Variants in XYLT1 observed in about 807,000 individuals in gnomAD.
XYLT1 encodes xylosyltransferase 1, also known as beta-D-xylosyltransferase 1.
In XYLT1, 36 loss-of-function variants were observed where a neutral mutation model predicts 91.3. That is an observed-to-expected ratio of 0.39 (90% CI 0.30 to 0.52). The LOEUF is 0.52. XYLT1 is among the 20% of genes least tolerant of loss of function. The probability of loss-of-function intolerance (pLI) is 0.68; values close to 1 mark genes in which losing one functional copy is unlikely to be tolerated. For missense variants in XYLT1, 1,242 were observed against 1,284.5 expected, an observed-to-expected ratio of 0.97 and a Z score of 0.51; for synonymous variants, 588 against 532.0, an observed-to-expected ratio of 1.11 and a Z score of -1.45.
chr16:17,194,398 C>T (rs993302050), intron 5 of XYLT1, among the ~76,000 whole-genome samples: 39 of 152,188 alleles, frequency 2.6e-4, no homozygotes, highest in Admixed American at 2.1e-3. Context: ...GGCAGCAATG[C>T]GCATGCCTAC....
At chr16:17,252,605 T>G (rs759419508) in intron 3 of XYLT1, among the ~76,000 whole-genome samples, 14 of 152,166 alleles carry the variant, frequency 9.2e-5, no homozygotes, top group Non-Finnish European at 1.6e-4. Flanking sequence ...GGCTTCCTTC[T>G]AAATCCCTTT....
At chr16:17,318,517 A>G (rs1244893064) in intron 2 of XYLT1, among the ~76,000 whole-genome samples, 1 of 152,196 alleles carries the variant, frequency 6.6e-6, no homozygotes, top group Non-Finnish European at 1.5e-5. Flanking sequence ...TGGTTCTCCA[A>G]CCAGCTAAAG....
At chr16:17,450,046 A>C (rs956611571) in intron 1 of XYLT1, among the ~76,000 whole-genome samples, 1 of 152,198 alleles carries the variant, frequency 6.6e-6, no homozygotes, top group African/African-American at 2.4e-5. Context: ...TTACTAATAA[A>C]AGGTGAGAAG....
chr16:17,379,793 A>ACACACACACACACACACACACACACC (rs71373108), intron 1 of XYLT1, among the ~76,000 whole-genome samples: 2 of 142,330 alleles, frequency 1.4e-5, no homozygotes, highest in Non-Finnish European at 3.1e-5. Context: ...ACACACACAC[A>ACACACACACACACACACACACACACC]CCCCTTACCT....
intron 2 of XYLT1, among the ~76,000 whole-genome samples, chr16:17,288,175 C>T (rs906213394): frequency 4.0e-5 from 6 of 151,706 alleles, no homozygotes; most frequent in Non-Finnish European, 8.8e-5. Flanking sequence ...GCCATCCTCC[C>T]GCTTCGGCCT....
chr16:17,440,951 C>T lies in XYLT1; in HGVS notation c.363+29483G>A, dbSNP rs115830261. Among the ~76,000 whole-genome samples, 1,004 of 152,218 alleles carry T rather than the reference C, an allele frequency of 6.6e-3. 13 individuals carry two copies. The highest frequency in any genetic ancestry group is 0.022 in the African/African-American group (904 of 41,534). On this transcript the variant is annotated intron_variant, in intron 1 of 11. Coordinates refer to ENST00000261381, the MANE Select transcript of XYLT1 (RefSeq NM_022166.4). Reference sequence around the variant, plus strand: ...ATGGTACCGACCCTCATCTGTAAAACGGGCATAACCAGTGCCTACCTATGT... The same window carrying T: ...ATGGTACCGACCCTCATCTGTAAAATGGGCATAACCAGTGCCTACCTATGT...
chr16:17,356,992 C>T (rs747635320), intron 2 of XYLT1, among the ~76,000 whole-genome samples: 15 of 151,654 alleles, frequency 9.9e-5, no homozygotes, highest in South Asian at 2.1e-4. Flanking sequence ...CTGGCTAACA[C>T]GGTGAAACCT....
At chr16:17,466,428 T>C (rs986263555) in intron 1 of XYLT1, among the ~76,000 whole-genome samples, 1 of 152,214 alleles carries the variant, frequency 6.6e-6, no homozygotes, top group Admixed American at 6.5e-5. Context: ...ATCTTTGCTT[T>C]CTGAGGATAC....
At chr16:17,410,773 G>A (rs1408039791) in intron 1 of XYLT1, among the ~76,000 whole-genome samples, 1 of 151,202 alleles carries the variant, frequency 6.6e-6, no homozygotes, top group African/African-American at 2.4e-5. Flanking sequence ...CTCCTGAATA[G>A]TTTGGATGGC....
chr16:17,164,747 G>C (rs1567303630), intron 5 of XYLT1, among the ~76,000 whole-genome samples: 2 of 152,012 alleles, frequency 1.3e-5, no homozygotes, highest in Non-Finnish European at 1.5e-5. Context: ...TGTACCACCT[G>C]TATGTTATTT....
intron 2 of XYLT1, among the ~76,000 whole-genome samples, chr16:17,325,140 G>A (rs1195295700): frequency 6.6e-6 from 1 of 152,218 alleles, no homozygotes; most frequent in African/African-American, 2.4e-5. Context: ...GCTCATGCCT[G>A]TAATCCCAGC....
chr16:17,230,866 TG>T (rs2033147510), intron 3 of XYLT1, among the ~76,000 whole-genome samples: 1 of 152,168 alleles, frequency 6.6e-6, no homozygotes, highest in Non-Finnish European at 1.5e-5. Flanking sequence ...CATTTTTCAT[TG>T]CCACAACTGG....
At position 17,470,653 on chromosome 16, in the gene XYLT1, G is replaced by A; in HGVS notation, c.144C>T (p.Gly48=). Residue 48 remains glycine, a synonymous_variant, in exon 1 of 12, where the codon GGC becomes GGT. Transcript: ENST00000261381. ...GCTGCTCCCCGCCGCCGACCGCTGCGCCCCCGCGGCGCTCCCCGGCCCCGG... is the reference window on the plus strand; with the variant it reads ...GCTGCTCCCCGCCGCCGACCGCTGCACCCCCGCGGCGCTCCCCGGCCCCGG... ...LDSGAGERRG[G]AAVGGGEQPP... is the part of the protein sequence containing the mutation. 1.8e-6 allele frequency: 2 copies of A among 1,117,786 alleles called. No individual in the cohort carries two copies. The highest frequency in any genetic ancestry group is 2.2e-6 in the Non-Finnish European group (2 of 902,702). 69.2% of individuals were successfully genotyped at this position (1,117,786 alleles called of 1,614,324 possible). A position where few individuals can be genotyped will look rare whatever the true frequency, so the allele number is the denominator to read the frequency against.
At chr16:17,246,694 C>T (rs1461134744) in intron 3 of XYLT1, among the ~76,000 whole-genome samples, 1 of 152,196 alleles carries the variant, frequency 6.6e-6, no homozygotes, top group Non-Finnish European at 1.5e-5. Flanking sequence ...GCCTCCACAC[C>T]TGGCATTCAG....
At chr16:17,261,011 A>G (rs189537360) in intron 2 of XYLT1, among the ~76,000 whole-genome samples, 1 of 152,208 alleles carries the variant, frequency 6.6e-6, no homozygotes, top group African/African-American at 2.4e-5. Context: ...AGGCAGGTGA[A>G]TCACTTGAGG....
At chr16:17,469,289 C>T (rs546429520) in intron 1 of XYLT1, among the ~76,000 whole-genome samples, 70 of 152,354 alleles carry the variant, frequency 4.6e-4, no homozygotes, top group Non-Finnish European at 8.4e-4. Context: ...CTGAAACCAT[C>T]CCCCTGGTGT....
At chr16:17,370,351 G>A (rs1017883082) in intron 1 of XYLT1, among the ~76,000 whole-genome samples, 76 of 152,208 alleles carry the variant, frequency 5.0e-4, no homozygotes, top group Admixed American at 3.1e-3. Flanking sequence ...TCATTTCTAC[G>A]CCTTCTGCAG....
At chr16:17,432,470 T>C (rs1262706304) in intron 1 of XYLT1, among the ~76,000 whole-genome samples, 1 of 152,132 alleles carries the variant, frequency 6.6e-6, no homozygotes, top group African/African-American at 2.4e-5. Context: ...TCCATTTATA[T>C]AAAATATCCA....
intron 1 of XYLT1, among the ~76,000 whole-genome samples, chr16:17,392,730 G>T (rs144867708): frequency 6.6e-6 from 1 of 152,156 alleles, no homozygotes; most frequent in Non-Finnish European, 1.5e-5. Flanking sequence ...TCTCCAGGTG[G>T]CCTCCCTCGC....
Sources: allele counts gnomAD v4.1 joint callset (sites outside exome capture counted in the v4.1 genomes callset), GRCh38; gene constraint gnomAD v4.1.1; transcripts MANE v1.5; gene names NCBI Gene and HGNC (gene_info 2026-07-23, HGNC 2026-07-21).